Variants in GRM5 observed in about 807,000 individuals in gnomAD.
GRM5 encodes glutamate metabotropic receptor 5.
GRM5 carries 19 observed loss-of-function variants against 83.1 expected under a neutral mutation model. The ratio of observed to expected loss-of-function variants is 0.23; its 90% CI spans 0.16 to 0.34. GRM5 has a LOEUF of 0.34. GRM5 is among the 10% of genes least tolerant of loss of function. GRM5 has a pLI of 1.00. For synonymous variants in GRM5, 675 were observed against 633.6 expected (o/e 1.07, Z -0.98); for missense variants, 1,160 against 1,588.3 (o/e 0.73, Z 4.58).
intron 3 of GRM5, among the ~76,000 whole-genome samples, chr11:88,797,965 T>A (rs1943314401): frequency 6.6e-6 from 1 of 152,114 alleles, no homozygotes. Context: ...TGACACATGG[T>A]AAAATACCAT....
chr11:88,858,184 T>C (rs917983506), intron 2 of GRM5, among the ~76,000 whole-genome samples: 1 of 152,070 alleles, frequency 6.6e-6, no homozygotes, highest in Non-Finnish European at 1.5e-5. Context: ...GGATCTCATT[T>C]AGAAAATTTG....
rs576241760 is a variant in GRM5, at chr11:88,526,110, T to C, written c.2631-706A>G. ...AGACATGTTCTTTGGATATTAAAAG[T>C]TTCTGTAAACATTAAGCTGAAGTTT... On this transcript the variant is annotated intron_variant, in intron 8 of 9. Coordinates refer to ENST00000305447, the MANE Select transcript of GRM5 (RefSeq NM_001143831.3). Among the ~76,000 whole-genome samples the C allele has an allele frequency of 2.6e-5, 4 of 152,316 alleles. No individual in the cohort carries two copies. In the South Asian group the frequency reaches 8.3e-4, roughly 32 times the overall value.
intron 1 of GRM5, among the ~76,000 whole-genome samples, chr11:89,059,540 G>GCTTTGTCAC (rs1941945152): frequency 6.6e-6 from 1 of 151,134 alleles, no homozygotes. Context: ...TTAAATACCG[G>GCTTTGTCAC]CTTTGTCACC....
chr11:88,690,867 G>A (rs76756744), intron 3 of GRM5, among the ~76,000 whole-genome samples: 2 of 152,138 alleles, frequency 1.3e-5, no homozygotes, highest in East Asian at 1.9e-4. Flanking sequence ...ATTCAATTTC[G>A]ACTTCACCTC....
intron 2 of GRM5, among the ~76,000 whole-genome samples, chr11:88,900,825 G>T (rs585473): frequency 0.28 from 42,394 of 151,998 alleles, 6,488 homozygotes; most frequent in Non-Finnish European, 0.35. Flanking sequence ...CCGCAGTACA[G>T]AGAAGAGCCA....
intron 2 of GRM5, among the ~76,000 whole-genome samples, chr11:88,868,611 C>T (rs1014164094): frequency 3.3e-5 from 5 of 151,690 alleles, no homozygotes; most frequent in Admixed American, 1.3e-4. Context: ...TCACTAATAC[C>T]TATGGCTCCT....
chr11:89,019,694 C>CA (rs1289663157), intron 2 of GRM5, among the ~76,000 whole-genome samples: 15 of 152,170 alleles, frequency 9.9e-5, no homozygotes, highest in Non-Finnish European at 2.1e-4. Flanking sequence ...GGCAACAGAG[C>CA]AAAACTCTGT....
chr11:89,017,423 C>T (rs1470547275), intron 2 of GRM5, among the ~76,000 whole-genome samples: 1 of 152,188 alleles, frequency 6.6e-6, no homozygotes, highest in Non-Finnish European at 1.5e-5. Context: ...AGCTGGCCTT[C>T]AGCACACCTC....
chr11:88,807,998 C>T (rs12291454), intron 3 of GRM5, among the ~76,000 whole-genome samples: 3,864 of 151,952 alleles, frequency 0.025, 170 homozygotes, highest in African/African-American at 0.089. Context: ...CATATGTTTT[C>T]ATAGAATATT....
At chr11:88,964,180 C>T (rs1302024139) in intron 2 of GRM5, among the ~76,000 whole-genome samples, 3 of 152,054 alleles carry the variant, frequency 2.0e-5, no homozygotes, top group Non-Finnish European at 4.4e-5. Context: ...AAGTACTTTA[C>T]CTGGAGAATA....
At chr11:88,983,788 A>G (rs1266233688) in intron 2 of GRM5, among the ~76,000 whole-genome samples, 1 of 152,056 alleles carries the variant, frequency 6.6e-6, no homozygotes, top group Non-Finnish European at 1.5e-5. Context: ...AGGCATTTTT[A>G]CCATAGGAGG....
At chr11:88,802,070 C>T (rs770025372) in intron 3 of GRM5, among the ~76,000 whole-genome samples, 8 of 152,020 alleles carry the variant, frequency 5.3e-5, no homozygotes, top group Non-Finnish European at 7.4e-5. Flanking sequence ...TTTCAGGAAG[C>T]GAGGTTCTAT....
intron 1 of GRM5, among the ~76,000 whole-genome samples, chr11:89,058,066 T>C (rs1434374678): frequency 6.6e-6 from 1 of 152,020 alleles, no homozygotes; most frequent in Non-Finnish European, 1.5e-5. Flanking sequence ...AATAAACAAA[T>C]AATGAGGTCT....
At chr11:88,874,535 GT>G (rs368133727) in intron 2 of GRM5, among the ~76,000 whole-genome samples, 2 of 151,878 alleles carry the variant, frequency 1.3e-5, no homozygotes, top group African/African-American at 4.8e-5. Flanking sequence ...CTGAACAAAG[GT>G]TTTTGCAATA....
intron 3 of GRM5, among the ~76,000 whole-genome samples, chr11:88,816,101 TACTCGG>T (rs1943673382): frequency 6.8e-6 from 1 of 146,158 alleles, no homozygotes; most frequent in East Asian, 2.0e-4. Flanking sequence ...TAGTCCCAGC[TACTCGG>T]GAGGCTGAGG....
At chr11:88,647,341 T>TA (rs1223458336) in intron 4 of GRM5, among the ~76,000 whole-genome samples, 2 of 146,736 alleles carry the variant, frequency 1.4e-5, no homozygotes, top group Non-Finnish European at 3.0e-5. Flanking sequence ...AGGCACTCCT[T>TA]AAAAAAAGTA....
intron 2 of GRM5, among the ~76,000 whole-genome samples, chr11:88,933,871 G>A (rs16915127): frequency 0.11 from 16,698 of 151,638 alleles, 1,498 homozygotes; most frequent in East Asian, 0.27. Flanking sequence ...TAAAGGGCTT[G>A]GAACATCTCT....
In GRM5 at chr11:88,741,784, G is replaced by T. The variant is rs928939002; in HGVS notation, c.912-88381C>A. ...AAGTACTGAGCGCACATGGAAAGCA[G>T]TAGTGGCTCAAAGTTCTGGTGGTGT... On this transcript the variant is annotated intron_variant, in intron 3 of 9. Transcript: ENST00000305447. Among the ~76,000 whole-genome samples, 23 of 152,166 alleles carry T rather than the reference G, an allele frequency of 1.5e-4. No individual in the cohort carries two copies. In the South Asian group the frequency reaches 4.6e-3, roughly 30 times the overall value.
At chr11:88,943,896 C>T (rs1422951227) in intron 2 of GRM5, among the ~76,000 whole-genome samples, 1 of 151,924 alleles carries the variant, frequency 6.6e-6, no homozygotes, top group East Asian at 1.9e-4. Context: ...CGAGCACAGA[C>T]CCTTAATAGT....
Sources: allele counts gnomAD v4.1 joint callset (sites outside exome capture counted in the v4.1 genomes callset), GRCh38; gene constraint gnomAD v4.1.1; transcripts MANE v1.5; gene names NCBI Gene and HGNC (gene_info 2026-07-23, HGNC 2026-07-21).